The following KCNH1 variants were observed in gnomAD, a reference collection of about 807,000 sequenced individuals.
KCNH1 encodes the protein voltage-gated delayed rectifier potassium channel KCNH1.
In KCNH1, 27 loss-of-function variants were observed where a neutral mutation model predicts 69.2. That is an observed-to-expected ratio of 0.39 (90% CI 0.29 to 0.54). The LOEUF (loss-of-function observed/expected upper bound fraction) is 0.54, where lower values mean the gene tolerates loss of function less well. Among genes scored for constraint, KCNH1 ranks in the 20% least tolerant of loss-of-function variants. KCNH1 has a pLI of 0.68. For missense variants in KCNH1, 798 were observed against 1,261.6 expected, an observed-to-expected ratio of 0.63 and a Z score of 5.57; for synonymous variants, 456 against 487.7, an observed-to-expected ratio of 0.93 and a Z score of 0.86.
At chr1:210,811,674 T>C (rs922108319) in intron 7 of KCNH1, among the ~76,000 whole-genome samples, 4 of 152,156 alleles carry the variant, frequency 2.6e-5, no homozygotes, top group South Asian at 2.1e-4. Context: ...CAGGAATTAC[T>C]GGCTTTGGCC....
At chr1:210,981,534 A>T (rs1688710397) in intron 6 of KCNH1, among the ~76,000 whole-genome samples, 1 of 152,024 alleles carries the variant, frequency 6.6e-6, no homozygotes, top group Non-Finnish European at 1.5e-5. Context: ...TATAGAGAAA[A>T]TTTTTTCATG....
chr1:210,868,618 T>C (rs1330637754), intron 7 of KCNH1, among the ~76,000 whole-genome samples: 1 of 152,062 alleles, frequency 6.6e-6, no homozygotes, highest in Non-Finnish European at 1.5e-5. Context: ...TGTAGAACCA[T>C]TTGTTGAAAG....
At chr1:210,809,100 G>A (rs111880256) in intron 7 of KCNH1, among the ~76,000 whole-genome samples, 1 of 139,438 alleles carries the variant, frequency 7.2e-6, no homozygotes, top group East Asian at 2.2e-4. Context: ...TTCCTACCCA[G>A]AAAGAAAGAA....
At chr1:211,055,647 G>C (rs1457190410) in intron 5 of KCNH1, among the ~76,000 whole-genome samples, 1 of 152,188 alleles carries the variant, frequency 6.6e-6, no homozygotes, top group Non-Finnish European at 1.5e-5. Context: ...ACAGCTCCAG[G>C]AAAGACTCCT....
intron 7 of KCNH1, among the ~76,000 whole-genome samples, chr1:210,881,752 T>G (rs1686498930): frequency 6.6e-6 from 1 of 152,204 alleles, no homozygotes; most frequent in African/African-American, 2.4e-5. Context: ...AACTTAAATG[T>G]ACATTGCTAT....
intron 7 of KCNH1, among the ~76,000 whole-genome samples, chr1:210,818,613 T>C (rs981035880): frequency 2.0e-5 from 3 of 152,168 alleles, no homozygotes; most frequent in African/African-American, 7.2e-5. Context: ...AAGTGCCCCA[T>C]GTAGTATGTG....
intron 7 of KCNH1, among the ~76,000 whole-genome samples, chr1:210,877,427 T>C (rs142944038): frequency 5.3e-5 from 8 of 152,230 alleles, no homozygotes; most frequent in Admixed American, 5.2e-4. Flanking sequence ...GGGCAGGTCA[T>C]CAAAGCAGGT....
intron 7 of KCNH1, among the ~76,000 whole-genome samples, chr1:210,884,997 C>T (rs1686572193): frequency 6.6e-6 from 1 of 152,196 alleles, no homozygotes; most frequent in Admixed American, 6.5e-5. Context: ...AGGGTGATTT[C>T]TCAATTTAAC....
intron 6 of KCNH1, among the ~76,000 whole-genome samples, chr1:211,013,213 T>A (rs1414578434): frequency 6.6e-6 from 1 of 152,200 alleles, no homozygotes; most frequent in African/African-American, 2.4e-5. Flanking sequence ...TTGGTCCAAC[T>A]TGCTTTCAGC....
At chr1:210,929,837 T>C (rs1049991624) in intron 6 of KCNH1, among the ~76,000 whole-genome samples, 1 of 152,232 alleles carries the variant, frequency 6.6e-6, no homozygotes, top group Non-Finnish European at 1.5e-5. Flanking sequence ...AGTTTCCAGA[T>C]ACAAAATTAA....
At chr1:210,803,709 C>G (rs1388422803) in intron 8 of KCNH1, among the ~76,000 whole-genome samples, 3 of 152,314 alleles carry the variant, frequency 2.0e-5, no homozygotes, top group South Asian at 2.1e-4. Context: ...CTACCCTGGA[C>G]AGTTAGACTT....
chr1:210,757,693 G>T (rs1210439565), intron 10 of KCNH1, among the ~76,000 whole-genome samples: 1 of 152,218 alleles, frequency 6.6e-6, no homozygotes, highest in Non-Finnish European at 1.5e-5. Context: ...TGCTACCTCA[G>T]TGGTACCATA....
At chr1:211,132,651 A>C (rs1691897453) in intron 1 of KCNH1, 1 of 152,172 alleles carries the variant, frequency 6.6e-6, no homozygotes, top group Admixed American at 6.5e-5. Flanking sequence ...TGAATCCCTA[A>C]CTAAATCCAA....
intron 10 of KCNH1, among the ~76,000 whole-genome samples, chr1:210,714,557 G>A (rs542272345): frequency 6.6e-6 from 1 of 152,264 alleles, no homozygotes; most frequent in East Asian, 1.9e-4. Context: ...CACACAAGGG[G>A]TCAGAATATA....
chr1:210,858,478 T>C (rs1403910489), intron 7 of KCNH1: 1 of 152,194 alleles, frequency 6.6e-6, no homozygotes, highest in Non-Finnish European at 1.5e-5. Context: ...CCCCACTCCA[T>C]TACATCTTTT....
At chr1:210,784,525 T>C (rs1684055006) in intron 9 of KCNH1, among the ~76,000 whole-genome samples, 1 of 152,016 alleles carries the variant, frequency 6.6e-6, no homozygotes, top group Non-Finnish European at 1.5e-5. Flanking sequence ...AACCGACATG[T>C]TTTTTTGGAT....
chr1:211,118,022 G>A (rs1298231010), intron 1 of KCNH1, among the ~76,000 whole-genome samples: 1 of 152,176 alleles, frequency 6.6e-6, no homozygotes, highest in East Asian at 1.9e-4. Flanking sequence ...AATTCCAGGT[G>A]AACCATGTTG....
At chr1:210,932,650 G>T (rs530489296) in intron 6 of KCNH1, among the ~76,000 whole-genome samples, 3 of 152,018 alleles carry the variant, frequency 2.0e-5, no homozygotes, top group African/African-American at 7.2e-5. Flanking sequence ...GACTGAAAAA[G>T]AAGGAATGGA....
chr1:210,716,165 G>A (rs1031414205), intron 10 of KCNH1, among the ~76,000 whole-genome samples: 2 of 152,056 alleles, frequency 1.3e-5, no homozygotes, highest in South Asian at 2.1e-4. Context: ...TGGGCGTGGC[G>A]GCTCATTCCT....
Sources: allele counts gnomAD v4.1 joint callset (sites outside exome capture counted in the v4.1 genomes callset), GRCh38; gene constraint gnomAD v4.1.1; transcripts MANE v1.5; gene names NCBI Gene and HGNC (gene_info 2026-07-23, HGNC 2026-07-21).